Variants in GPHN observed in about 807,000 individuals in gnomAD.
The protein encoded by GPHN is gephyrin.
A neutral mutation model predicts 95.5 loss-of-function variants in GPHN; 17 were observed. The observed-to-expected ratio is 0.18, with a 90% CI of 0.12 to 0.27. GPHN has a LOEUF of 0.27. Ranked by LOEUF, GPHN falls within the 10% of genes least tolerant of loss-of-function variation. The probability of loss-of-function intolerance (pLI) is 1.00; values close to 1 mark genes in which losing one functional copy is unlikely to be tolerated. For missense variants in GPHN, 660 were observed against 978.1 expected, an observed-to-expected ratio of 0.67 and a Z score of 4.34; for synonymous variants, 320 against 322.5, an observed-to-expected ratio of 0.99 and a Z score of 0.08.
the GPHN span, among the ~76,000 whole-genome samples, chr14:67,197,835 T>C: frequency 6.6e-6 from 1 of 152,174 alleles, no homozygotes; most frequent in African/African-American, 2.4e-5. Flanking sequence ...TCCAGCCCTA[T>C]ACTCTGGTCA....
At position 66,525,425 on chromosome 14, in the gene GPHN, T is replaced by C. The variant is rs541667446; in HGVS notation, c.64+16834T>C. Among the ~76,000 whole-genome samples, 4 of 152,352 alleles carry C rather than the reference T, an allele frequency of 2.6e-5. No individual in the cohort carries two copies. In the South Asian group the frequency reaches 8.3e-4, roughly 32 times the overall value. ...TCAGATGAGTAGATTGCAAAAACTTTCTCCCATTCTGTAGGTTGCCTGTTC... is the reference window on the plus strand; with the variant it reads ...TCAGATGAGTAGATTGCAAAAACTTCCTCCCATTCTGTAGGTTGCCTGTTC... On this transcript the variant is annotated intron_variant, in intron 1 of 22. Transcript: ENST00000478722.
intron 11 of GPHN, among the ~76,000 whole-genome samples, chr14:67,085,685 G>A (rs2076855590): frequency 1.3e-5 from 2 of 152,034 alleles, no homozygotes; most frequent in Admixed American, 6.5e-5. Flanking sequence ...TGTTGATGAT[G>A]GTGTATGTAG....
At chr14:67,577,241 G>T in the GPHN span, 1 of 1,019,494 alleles carries the variant, frequency 9.8e-7, no homozygotes, top group South Asian at 1.4e-5. Context: ...GGCGGTGAGT[G>T]GGAGATGAGT....
the GPHN span, chr14:67,579,415 C>T: frequency 3.2e-6 from 3 of 934,796 alleles, no homozygotes; most frequent in Non-Finnish European, 4.7e-6. Flanking sequence ...CACTGTTGCC[C>T]CAGAAGTAGA....
chr14:67,334,785 T>TAAAA, the GPHN span: 1 of 152,242 alleles, frequency 6.6e-6, no homozygotes, highest in East Asian at 1.9e-4. Flanking sequence ...TTTTTAGCAT[T>TAAAA]AAAAACTAAG....
chr14:66,592,660 G>A (rs879086966), intron 1 of GPHN, among the ~76,000 whole-genome samples: 2 of 152,174 alleles, frequency 1.3e-5, no homozygotes, highest in East Asian at 1.9e-4. Flanking sequence ...TACAGATGCT[G>A]GAGTGGATGT....
At chr14:66,584,144 A>G (rs2140499079) in intron 1 of GPHN, among the ~76,000 whole-genome samples, 1 of 152,152 alleles carries the variant, frequency 6.6e-6, no homozygotes, top group South Asian at 2.1e-4. Flanking sequence ...TTCTCTTTGT[A>G]GCAATTGTGA....
intron 5 of GPHN, among the ~76,000 whole-genome samples, chr14:66,900,924 C>T (rs1056459769): frequency 6.6e-6 from 1 of 151,924 alleles, no homozygotes; most frequent in African/African-American, 2.4e-5. Context: ...ATTGCTGGAT[C>T]GTATGGTAAT....
In GPHN at chr14:66,508,229, C is replaced by A. The variant is rs2057864900; in HGVS notation, c.-299C>A. ...CCGACACTCTCCGGCCTCGTTCTGC[C>A]GCCTCCGCGCGCTCTCCCCGTGCGG... On this transcript the variant is annotated 5_prime_UTR_variant, in exon 1 of 23. Transcript: ENST00000478722. The A allele has an allele frequency of 3.7e-6, 2 of 541,146 alleles. No homozygotes were observed. Among genetic ancestry groups the A allele is most frequent in the African/African-American group, 1.9e-5 (1 of 52,228 alleles). The allele number at this position is 541,146 out of a possible 1,614,324, so 33.5% of individuals were successfully genotyped here.
chr14:67,619,892 G>C, the GPHN span: 3 of 931,266 alleles, frequency 3.2e-6, no homozygotes, highest in Admixed American at 1.0e-4. Context: ...GCGCGGGTAG[G>C]TAAGAGCAGC....
At chr14:67,101,033 A>C in intron 13 of GPHN, 122 bp downstream of exon 13, 1 of 710,648 alleles carries the variant, frequency 1.4e-6, no homozygotes. Flanking sequence ...AAGATTATCA[A>C]AGGGATGAAA....
intron 2 of GPHN, among the ~76,000 whole-genome samples, chr14:66,755,497 A>G (rs559025062): frequency 7.4e-4 from 112 of 152,174 alleles, no homozygotes; most frequent in Non-Finnish European, 1.5e-3. Flanking sequence ...CAAAATTTCC[A>G]TATGTTCTTT....
At chr14:66,987,259 C>G (rs528054998) in intron 9 of GPHN, among the ~76,000 whole-genome samples, 3 of 151,960 alleles carry the variant, frequency 2.0e-5, no homozygotes, top group African/African-American at 7.2e-5. Context: ...GATTATGACT[C>G]AAATTCAGGT....
the GPHN span, among the ~76,000 whole-genome samples, chr14:67,311,717 A>C: frequency 3.0e-4 from 46 of 152,242 alleles, no homozygotes; most frequent in Non-Finnish European, 5.9e-4. Flanking sequence ...CTTAATGCTA[A>C]GTAGAATAGC....
the GPHN span, chr14:67,333,915 ATGAC>A: frequency 1.3e-5 from 2 of 152,628 alleles, no homozygotes; most frequent in African/African-American, 4.8e-5. Flanking sequence ...ACAGTATCCT[ATGAC>A]TGTGCTACGT....
chr14:66,874,679 G>T (rs1378533331), intron 4 of GPHN, among the ~76,000 whole-genome samples: 1 of 152,078 alleles, frequency 6.6e-6, no homozygotes, highest in African/African-American at 2.4e-5. Context: ...TCAAATTAAT[G>T]AAATAAAGCA....
At chr14:67,599,987 C>T in the GPHN span, 1 of 1,524,066 alleles carries the variant, frequency 6.6e-7, no homozygotes, top group East Asian at 2.5e-5. Flanking sequence ...GCCGAACCCC[C>T]TCCTTCGAGC....
chr14:66,581,228 TAAA>T (rs55870261), intron 1 of GPHN, among the ~76,000 whole-genome samples: 1 of 139,020 alleles, frequency 7.2e-6, no homozygotes. Flanking sequence ...GGTGAAGATG[TAAA>T]AAAAAAAAAA....
the GPHN span, among the ~76,000 whole-genome samples, chr14:67,391,214 G>A: frequency 1.3e-5 from 2 of 151,424 alleles, no homozygotes; most frequent in African/African-American, 4.9e-5. Flanking sequence ...TGTGCATTAG[G>A]AAAAAAGCAA....
Sources: allele counts gnomAD v4.1 joint callset (sites outside exome capture counted in the v4.1 genomes callset), GRCh38; gene constraint gnomAD v4.1.1; transcripts MANE v1.5; gene names NCBI Gene and HGNC (gene_info 2026-07-23, HGNC 2026-07-21).